The following DLG2 variants were observed in gnomAD, a reference collection of about 807,000 sequenced individuals.
DLG2 encodes the protein disks large homolog 2.
Under a neutral mutation model 132.5 loss-of-function variants are expected in DLG2, and 45 were observed. That is an observed-to-expected ratio of 0.34 (90% CI 0.27 to 0.44). The LOEUF is 0.44. DLG2 is among the 20% of genes least tolerant of loss of function. The pLI is 1.00. For synonymous variants in DLG2, 424 were observed against 419.6 expected (o/e 1.01, Z -0.13); for missense variants, 1,045 against 1,196.9 (o/e 0.87, Z 1.87).
At chr11:83,582,196 T>C (rs1273193805) in intron 19 of DLG2, among the ~76,000 whole-genome samples, 2 of 152,040 alleles carry the variant, frequency 1.3e-5, no homozygotes, top group African/African-American at 4.8e-5. Context: ...CCTCAGATGA[T>C]CTGCCCACCT....
intron 9 of DLG2, among the ~76,000 whole-genome samples, chr11:84,108,856 T>C (rs1280819384): frequency 6.6e-6 from 1 of 152,094 alleles, no homozygotes; most frequent in East Asian, 1.9e-4. Context: ...GCAATGGGGA[T>C]GGCAATATTT....
intron 3 of DLG2, among the ~76,000 whole-genome samples, chr11:85,538,227 A>G (rs935822354): frequency 3.3e-5 from 5 of 151,948 alleles, no homozygotes; most frequent in African/African-American, 1.2e-4. Context: ...TTCTAGACAC[A>G]CTATCCCCCA....
intron 6 of DLG2, among the ~76,000 whole-genome samples, chr11:84,591,077 A>G (rs990480312): frequency 3.3e-5 from 5 of 152,082 alleles, no homozygotes; most frequent in African/African-American, 1.2e-4. Flanking sequence ...GTTATCTTTC[A>G]TCCTCTGCTC....
intron 8 of DLG2, among the ~76,000 whole-genome samples, chr11:84,217,759 T>C (rs1260644912): frequency 6.6e-6 from 1 of 152,228 alleles, no homozygotes; most frequent in Non-Finnish European, 1.5e-5. Flanking sequence ...TTAAGAGAGA[T>C]ATTTAATCTG....
intron 3 of DLG2, among the ~76,000 whole-genome samples, chr11:85,511,940 C>G (rs768359821): frequency 6.6e-6 from 1 of 151,878 alleles, no homozygotes; most frequent in Non-Finnish European, 1.5e-5. Context: ...AGTATGTTGC[C>G]CAGGCTGGTA....
intron 3 of DLG2, among the ~76,000 whole-genome samples, chr11:85,451,970 CT>C (rs1002337443): frequency 7.2e-5 from 11 of 151,728 alleles, no homozygotes; most frequent in African/African-American, 2.4e-4. Flanking sequence ...GCTGAAATTT[CT>C]TTTTTTTATT....
intron 2 of DLG2, among the ~76,000 whole-genome samples, chr11:85,623,180 T>TTA (rs1346603579): frequency 2.6e-5 from 4 of 152,210 alleles, no homozygotes; most frequent in Non-Finnish European, 4.4e-5. Flanking sequence ...ATAAAAATGT[T>TTA]TATATATATA....
intron 4 of DLG2, among the ~76,000 whole-genome samples, chr11:85,164,783 G>A (rs2078307706): frequency 6.6e-6 from 1 of 152,142 alleles, no homozygotes; most frequent in Non-Finnish European, 1.5e-5. Context: ...TTATGAAGTA[G>A]GCTTATGATC....
chr11:84,096,287 A>T (rs2097164295), intron 10 of DLG2, among the ~76,000 whole-genome samples: 1 of 152,076 alleles, frequency 6.6e-6, no homozygotes, highest in Non-Finnish European at 1.5e-5. Context: ...TACATCTGAC[A>T]TCTCTGTATC....
chr11:84,499,939 T>C (rs1465092385), intron 7 of DLG2, among the ~76,000 whole-genome samples: 1 of 152,184 alleles, frequency 6.6e-6, no homozygotes, highest in Non-Finnish European at 1.5e-5. Context: ...AGATTATCCA[T>C]TCACTCATTC....
chr11:84,732,908 G>T (rs1216736940), intron 6 of DLG2, among the ~76,000 whole-genome samples: 1 of 150,518 alleles, frequency 6.6e-6, no homozygotes, highest in Non-Finnish European at 1.5e-5. Context: ...TTTTGTCCTT[G>T]CGATAGTTTG....
chr11:85,560,593 T>C (rs1309763456), intron 3 of DLG2, among the ~76,000 whole-genome samples: 1 of 151,940 alleles, frequency 6.6e-6, no homozygotes, highest in East Asian at 1.9e-4. Flanking sequence ...AGGATCTTTT[T>C]ATGATGATGG....
At chr11:83,849,598 G>A (rs932079743) in intron 16 of DLG2, among the ~76,000 whole-genome samples, 2 of 152,008 alleles carry the variant, frequency 1.3e-5, no homozygotes, top group Non-Finnish European at 2.9e-5. Flanking sequence ...GGGGTCTATG[G>A]AAGGTTTGCT....
At chr11:84,647,134 T>C (rs1411103849) in intron 6 of DLG2, among the ~76,000 whole-genome samples, 2 of 152,126 alleles carry the variant, frequency 1.3e-5, no homozygotes, top group African/African-American at 4.8e-5. Flanking sequence ...ACTAATGGCA[T>C]AATAAGAGCT....
chr11:84,946,711 C>G (rs953101364), intron 6 of DLG2, among the ~76,000 whole-genome samples: 1 of 152,102 alleles, frequency 6.6e-6, no homozygotes, highest in Non-Finnish European at 1.5e-5. Context: ...CTTCCTTGGC[C>G]ACCCTAGCTG....
chr11:85,026,754 G>A (rs1039126210), intron 6 of DLG2, among the ~76,000 whole-genome samples: 3 of 151,938 alleles, frequency 2.0e-5, no homozygotes, highest in Non-Finnish European at 4.4e-5. Context: ...GAAGAATGGC[G>A]TGAACTGGGG....
At chr11:84,767,790 G>A (rs1462929972) in intron 6 of DLG2, among the ~76,000 whole-genome samples, 1 of 152,040 alleles carries the variant, frequency 6.6e-6, no homozygotes, top group Non-Finnish European at 1.5e-5. Context: ...GGTCCCCAGA[G>A]TAGGTAGCTT....
chr11:84,761,328 A>G (rs1011500939), intron 6 of DLG2, among the ~76,000 whole-genome samples: 1 of 152,158 alleles, frequency 6.6e-6, no homozygotes, highest in South Asian at 2.1e-4. Context: ...GGTTATGGGG[A>G]CTTTTTGCCC....
At chr11:84,205,328 T>C (rs2096651316) in intron 8 of DLG2, among the ~76,000 whole-genome samples, 1 of 152,016 alleles carries the variant, frequency 6.6e-6, no homozygotes, top group South Asian at 2.1e-4. Context: ...AGTAATTGAG[T>C]GAACAAGTAA....
Sources: allele counts gnomAD v4.1 joint callset (sites outside exome capture counted in the v4.1 genomes callset), GRCh38; gene constraint gnomAD v4.1.1; transcripts MANE v1.5; gene names NCBI Gene and HGNC (gene_info 2026-07-23, HGNC 2026-07-21).